Variants in RNF157 observed in about 807,000 individuals in gnomAD.
RNF157 encodes the protein E3 ubiquitin ligase RNF157.
Under a neutral mutation model 88.3 loss-of-function variants are expected in RNF157, and 55 were observed. That is an observed-to-expected ratio of 0.62 (90% CI 0.50 to 0.78). The LOEUF is 0.78. RNF157 is among the 30% of genes least tolerant of loss of function. The pLI, the probability that RNF157 is intolerant of heterozygous loss-of-function variation, is 0.00. For synonymous variants in RNF157, 334 were observed against 341.2 expected, an observed-to-expected ratio of 0.98 and a Z score of 0.23; for missense variants, 788 against 860.8, an observed-to-expected ratio of 0.92 and a Z score of 1.06.
chr17:76,142,558 GACC>G lies in RNF157; in HGVS notation c.*2674_*2676del, dbSNP rs1422798058. The stretch of plus-strand genomic sequence containing the variant: ...ATTCTTGATGTCCCCACTGTAGTGT[GACC>G]ACAAGTGTACTCCAGGGAGAGGGGT... On this transcript the variant is annotated 3_prime_UTR_variant, in exon 19 of 19. Coordinates refer to ENST00000269391, the MANE Select transcript of RNF157 (RefSeq NM_052916.3). The G allele has an allele frequency of 6.6e-6, 1 of 152,276 alleles. No individual in the cohort carries two copies. The highest frequency in any genetic ancestry group is 1.5e-5 in the Non-Finnish European group (1 of 68,050). 9.4% of individuals were successfully genotyped at this position (152,276 alleles called of 1,614,324 possible). A position where few individuals can be genotyped will look rare whatever the true frequency, so the allele number is the denominator to read the frequency against.
intron 1 of RNF157, among the ~76,000 whole-genome samples, chr17:76,236,169 T>C (rs1598453614): frequency 1.3e-5 from 2 of 152,208 alleles, no homozygotes; most frequent in East Asian, 3.8e-4. Flanking sequence ...ATTACCATTC[T>C]GAATTTCTGT....
chr17:76,206,517 T>C (rs2069684719), intron 2 of RNF157, among the ~76,000 whole-genome samples: 1 of 152,090 alleles, frequency 6.6e-6, no homozygotes, highest in Admixed American at 6.6e-5. Flanking sequence ...TAAAAACCAG[T>C]GAAGAGGCCG....
At chr17:76,210,001 G>A (rs969464963) in intron 2 of RNF157, among the ~76,000 whole-genome samples, 1 of 152,018 alleles carries the variant, frequency 6.6e-6, no homozygotes, top group South Asian at 2.1e-4. Context: ...CTTGTGATCC[G>A]CCCGCCTCGG....
chr17:76,229,232 T>A (rs904781046), intron 1 of RNF157, among the ~76,000 whole-genome samples: 7 of 152,218 alleles, frequency 4.6e-5, no homozygotes, highest in Admixed American at 1.3e-4. Flanking sequence ...ATCTTAAGGG[T>A]TCAGCCCTCT....
chr17:76,168,561 A>AGGAG lies in RNF157; in HGVS notation c.297-768_297-765dup, dbSNP rs558930746. ...GCGGTCTATTCATTTCATCTTATTGAGGAGGTCCCTTGGACTTGCTCCCAT... is the reference window on the plus strand; with the variant it reads ...GCGGTCTATTCATTTCATCTTATTGAGGAGGGAGGTCCCTTGGACTTGCTCCCAT... On this transcript the variant is annotated intron_variant, in intron 3 of 18. Coordinates refer to ENST00000269391, the MANE Select transcript of RNF157 (RefSeq NM_052916.3). Among the ~76,000 whole-genome samples the AGGAG allele has an allele frequency of 1.1e-4, 17 of 151,972 alleles. No individual in the cohort carries two copies. In the East Asian group the frequency reaches 3.3e-3, roughly 29 times the overall value.
Position 76,173,695 on chromosome 17 carries a change from A to G in RNF157, c.296+7T>C. Reference sequence around the variant, plus strand: ...CTGGGACCTGGCCCCAGCCTCTGGGAACTTACTTGACGAGCCTCAGTGTGT... The same window carrying G: ...CTGGGACCTGGCCCCAGCCTCTGGGGACTTACTTGACGAGCCTCAGTGTGT... On this transcript the variant is annotated splice_region_variant and intron_variant, in intron 3 of 18. Coordinates refer to ENST00000269391, the MANE Select transcript of RNF157 (RefSeq NM_052916.3). 1.2e-6 allele frequency: 2 copies of G among 1,600,114 alleles called. No individual in the cohort carries two copies. Among genetic ancestry groups the G allele is most frequent in the Non-Finnish European group, 1.7e-6 (2 of 1,171,526 alleles).
At position 76,146,967 on chromosome 17, in the gene RNF157, G is replaced by T; in HGVS notation, c.1922-1614C>A. The T allele has an allele frequency of 1.0e-6, 1 of 985,420 alleles. No individual in the cohort carries two copies. The highest frequency in any genetic ancestry group is 1.2e-6 in the Non-Finnish European group (1 of 829,920). The allele number at this position is 985,420 out of a possible 1,614,324, so 61.0% of individuals were successfully genotyped here. A position where few individuals can be genotyped will look rare whatever the true frequency, so the allele number is the denominator to read the frequency against. ...GGCTTATTTCCATCAATGCCTTGGT[G>T]TGCTAATCCACCTCAGGCTCTAGTA... On this transcript the variant is annotated intron_variant, in intron 18 of 18. Transcript: ENST00000269391. This position sits in a 1 kb window ranked among gnomAD's most constrained non-coding sequence, Gnocchi z 4.2.
At chr17:76,233,123 T>G (rs1169116630) in intron 1 of RNF157, among the ~76,000 whole-genome samples, 1 of 152,150 alleles carries the variant, frequency 6.6e-6, no homozygotes, top group African/African-American at 2.4e-5. Flanking sequence ...GGTTTCACCA[T>G]GTTAGCCAGG....
intron 6 of RNF157, among the ~76,000 whole-genome samples, chr17:76,166,013 C>T (rs2068918508): frequency 6.7e-6 from 1 of 150,366 alleles, no homozygotes; most frequent in South Asian, 2.1e-4. Flanking sequence ...CTCACTCTGT[C>T]ACCCAGGCTG....
chr17:76,145,584 G>A (rs2068572778), intron 18 of RNF157: 1 of 454,058 alleles, frequency 2.2e-6, no homozygotes. Flanking sequence ...CTGCCACTGT[G>A]GCTCCCGGAC....
intron 18 of RNF157, among the ~76,000 whole-genome samples, chr17:76,145,878 A>G (rs1277830419): frequency 6.6e-6 from 1 of 152,010 alleles, no homozygotes; most frequent in Non-Finnish European, 1.5e-5. Flanking sequence ...TGGAGGGAGG[A>G]CAGTGTGAGG....
At chr17:76,202,128 T>TCTCTCACACACACA (rs1250661867) in intron 2 of RNF157, among the ~76,000 whole-genome samples, 7 of 134,600 alleles carry the variant, frequency 5.2e-5, no homozygotes, top group African/African-American at 2.2e-4. Flanking sequence ...TCTCTCTCTC[T>TCTCTCACACACACA]CACACACACA....
chr17:76,173,242 C>T (rs532986125), intron 3 of RNF157, among the ~76,000 whole-genome samples: 116 of 151,456 alleles, frequency 7.7e-4, no homozygotes, highest in African/African-American at 2.6e-3. Context: ...GCCGAGATTG[C>T]GCCACTGCAC....
chr17:76,220,597 C>T (rs57882329), intron 1 of RNF157, among the ~76,000 whole-genome samples: 1,884 of 151,834 alleles, frequency 0.012, 46 homozygotes, highest in African/African-American at 0.043. Context: ...GGCCTTGAGC[C>T]CAGAAGTTTG....
intron 2 of RNF157, among the ~76,000 whole-genome samples, chr17:76,200,646 G>A (rs1426569809): frequency 6.6e-6 from 1 of 152,156 alleles, no homozygotes; most frequent in Admixed American, 6.5e-5. Context: ...ACTGTACAAC[G>A]ATGTGTGATG....
chr17:76,232,542 A>T (rs1283738323), intron 1 of RNF157, among the ~76,000 whole-genome samples: 1 of 152,212 alleles, frequency 6.6e-6, no homozygotes, highest in Non-Finnish European at 1.5e-5. Flanking sequence ...TATTATGAGC[A>T]ATGCCGCTAT....
At chr17:76,227,352 C>T (rs531771699) in intron 1 of RNF157, among the ~76,000 whole-genome samples, 99 of 151,478 alleles carry the variant, frequency 6.5e-4, no homozygotes, top group African/African-American at 2.4e-3. Flanking sequence ...AACTCCTGAC[C>T]TCAGGTGATC....
intron 2 of RNF157, among the ~76,000 whole-genome samples, chr17:76,186,110 ACTCT>A (rs907304798): frequency 2.0e-5 from 3 of 152,114 alleles, no homozygotes; most frequent in Non-Finnish European, 4.4e-5. Flanking sequence ...AATCTTCCCT[ACTCT>A]CTATTTCAAA....
chr17:76,181,351 C>G (rs2069185226), intron 2 of RNF157, among the ~76,000 whole-genome samples: 1 of 152,198 alleles, frequency 6.6e-6, no homozygotes, highest in African/African-American at 2.4e-5. Flanking sequence ...GCACCACACT[C>G]CTTTCTATCT....
Sources: allele counts gnomAD v4.1 joint callset (sites outside exome capture counted in the v4.1 genomes callset), GRCh38; gene constraint gnomAD v4.1.1; non-coding constraint Gnocchi (gnomAD v3.1); transcripts MANE v1.5; gene names NCBI Gene and HGNC (gene_info 2026-07-23, HGNC 2026-07-21).